ORC5: variants seen among roughly 807,000 people sequenced by gnomAD.
ORC5 encodes origin recognition complex subunit 5.
ORC5 carries 39 observed loss-of-function variants against 58.8 expected under a neutral mutation model. That is an observed-to-expected ratio of 0.66 (90% CI 0.51 to 0.87). The LOEUF is 0.87. Ranked by LOEUF, ORC5 falls within the 40% of genes least tolerant of loss-of-function variation. The pLI, the probability that ORC5 is intolerant of heterozygous loss-of-function variation, is 0.00. For missense variants in ORC5, 493 were observed against 506.3 expected, an observed-to-expected ratio of 0.97 and a Z score of 0.25; for synonymous variants, 218 against 177.6, an observed-to-expected ratio of 1.23 and a Z score of -1.81.
intron 12 of ORC5, among the ~76,000 whole-genome samples, chr7:104,152,420 A>C (rs1445403544): frequency 6.6e-6 from 1 of 152,198 alleles, no homozygotes; most frequent in Non-Finnish European, 1.5e-5. Context: ...CTGGGATTAC[A>C]GGCATGACCC....
chr7:104,167,551 A>G (rs762071921), intron 9 of ORC5, among the ~76,000 whole-genome samples: 2 of 152,222 alleles, frequency 1.3e-5, no homozygotes, highest in Non-Finnish European at 2.9e-5. Flanking sequence ...GTATCCCTAC[A>G]CTGCCTTGCA....
At chr7:104,203,768 C>T (rs1800004684) in intron 2 of ORC5, among the ~76,000 whole-genome samples, 1 of 152,116 alleles carries the variant, frequency 6.6e-6, no homozygotes, top group South Asian at 2.1e-4. Flanking sequence ...ATTTGCATGG[C>T]CTAGCTGCTG....
chr7:104,155,005 GCTTT>G (rs1291209954), intron 12 of ORC5, among the ~76,000 whole-genome samples: 1 of 151,700 alleles, frequency 6.6e-6, no homozygotes, highest in Non-Finnish European at 1.5e-5. Flanking sequence ...TTATCATTCT[GCTTT>G]CTGACTGATG....
chr7:104,203,601 T>G (rs1042087195), intron 2 of ORC5, among the ~76,000 whole-genome samples: 1 of 152,150 alleles, frequency 6.6e-6, no homozygotes, highest in African/African-American at 2.4e-5. Context: ...ACTTTGCAGA[T>G]GGAGAAAGCA....
chr7:104,193,997 C>A (rs1377462429), intron 5 of ORC5, among the ~76,000 whole-genome samples: 1 of 150,764 alleles, frequency 6.6e-6, no homozygotes, highest in African/African-American at 2.4e-5. Flanking sequence ...TGTGTAATAT[C>A]AACATTTTTT....
At chr7:104,141,431 G>GA (rs147659830) in intron 12 of ORC5, among the ~76,000 whole-genome samples, 49,000 of 151,836 alleles carry the variant, frequency 0.32, 8,688 homozygotes, top group East Asian at 0.52. Context: ...TAGTTTAAGA[G>GA]AAAAAAACAT....
chr7:104,165,808 G>A (rs1054610529), intron 10 of ORC5: 25 of 152,980 alleles, frequency 1.6e-4, no homozygotes, highest in African/African-American at 5.5e-4. Flanking sequence ...GCGCACACCT[G>A]TAATCCTATC....
chr7:104,149,709 T>G (rs145282488), intron 12 of ORC5, among the ~76,000 whole-genome samples: 12 of 152,296 alleles, frequency 7.9e-5, no homozygotes, highest in African/African-American at 2.4e-4. Context: ...TCAAAGAGAA[T>G]AGTACTTCCC....
At chr7:104,178,038 C>G (rs1799358675) in intron 8 of ORC5, among the ~76,000 whole-genome samples, 1 of 152,148 alleles carries the variant, frequency 6.6e-6, no homozygotes, top group Non-Finnish European at 1.5e-5. Flanking sequence ...CATAGGTGTG[C>G]ATTTGTCTTT....
chr7:104,135,181 G>C (rs774197959), intron 13 of ORC5, among the ~76,000 whole-genome samples: 1 of 152,128 alleles, frequency 6.6e-6, no homozygotes, highest in Non-Finnish European at 1.5e-5. Context: ...AACATATTCA[G>C]AGTAATAAAA....
chr7:104,168,866 G>A (rs983095095), intron 8 of ORC5, among the ~76,000 whole-genome samples: 5 of 152,168 alleles, frequency 3.3e-5, no homozygotes, highest in Non-Finnish European at 7.4e-5. Context: ...AGGATCACAT[G>A]AGGCCAGGAG....
intron 8 of ORC5, among the ~76,000 whole-genome samples, chr7:104,180,932 A>G (rs1049309594): frequency 1.3e-5 from 2 of 152,196 alleles, no homozygotes; most frequent in Admixed American, 6.5e-5. Context: ...CTGTCATCCT[A>G]CAGTTATTGT....
intron 12 of ORC5, among the ~76,000 whole-genome samples, chr7:104,139,017 C>G (rs1225138145): frequency 6.6e-6 from 1 of 152,102 alleles, no homozygotes; most frequent in Non-Finnish European, 1.5e-5. Context: ...TTGTCTTCTC[C>G]TAATTTCTTA....
At chr7:104,143,403 T>C (rs1217533144) in intron 12 of ORC5, among the ~76,000 whole-genome samples, 1 of 152,220 alleles carries the variant, frequency 6.6e-6, no homozygotes, top group East Asian at 1.9e-4. Flanking sequence ...TTTTTACTTT[T>C]AGCACATTAG....
chr7:104,153,643 C>T (rs1798879984), intron 12 of ORC5, among the ~76,000 whole-genome samples: 2 of 152,044 alleles, frequency 1.3e-5, no homozygotes, highest in Admixed American at 1.3e-4. Flanking sequence ...AAATGAAATG[C>T]AGAGAAATTG....
rs902673456 is a variant in ORC5, at chr7:104,200,901, G to C, written c.223C>G (p.Gln75Glu). The C allele has an allele frequency of 5.1e-5, 83 of 1,613,622 alleles. No homozygotes were observed. Among genetic ancestry groups the C allele is most frequent in the Non-Finnish European group, 6.1e-5 (72 of 1,179,738 alleles). ...AGATGATTCAATTTGTTTAAAATTT[G>C]TTCCAAAAGCAGCCTCAATGTAAAG... The part of the protein sequence containing the change: ...ECFTLRLLLE[Q>E]ILNKLNHLSS... Residue 75 changes from glutamine (Q) to glutamate (E), a missense_variant, in exon 3 of 14, where the codon CAA becomes GAA. Coordinates refer to ENST00000297431, the MANE Select transcript of ORC5 (RefSeq NM_002553.4).
At chr7:104,203,792 A>G (rs557450335) in intron 2 of ORC5, among the ~76,000 whole-genome samples, 5 of 152,214 alleles carry the variant, frequency 3.3e-5, no homozygotes, top group African/African-American at 4.8e-5. Context: ...GAAGATTGCA[A>G]ATAAGAGGCT....
chr7:104,160,997 G>A (rs1242819004), intron 12 of ORC5, 75 bp downstream of exon 12: 2 of 825,866 alleles, frequency 2.4e-6, no homozygotes, highest in African/African-American at 3.4e-5. Context: ...AAATCTGAAT[G>A]CCTGGAATTC....
intron 8 of ORC5, among the ~76,000 whole-genome samples, chr7:104,179,987 CT>C (rs765666815): frequency 1.3e-5 from 2 of 152,142 alleles, no homozygotes; most frequent in Non-Finnish European, 2.9e-5. Flanking sequence ...TCTTGATGGC[CT>C]ACAAAAGCAA....
Sources: gnomAD v4.1 joint callset for allele counts (sites outside exome capture counted in the v4.1 genomes callset) on GRCh38, gnomAD v4.1.1 for gene constraint, MANE v1.5 for transcripts, NCBI Gene and HGNC (gene_info 2026-07-23, HGNC 2026-07-21) for gene names.